The following NIBAN2 variants were observed in gnomAD, a reference collection of about 807,000 sequenced individuals.
The protein encoded by NIBAN2 is protein Niban 2.
NIBAN2 carries 36 observed loss-of-function variants against 81.8 expected under a neutral mutation model. The observed-to-expected ratio is 0.44, with a 90% CI of 0.34 to 0.58. The LOEUF (loss-of-function observed/expected upper bound fraction) is 0.58, where lower values mean the gene tolerates loss of function less well. Ranked by LOEUF, NIBAN2 falls within the 20% of genes least tolerant of loss-of-function variation. NIBAN2 has a pLI of 0.02. For synonymous variants in NIBAN2, 445 were observed against 441.6 expected, an observed-to-expected ratio of 1.01 and a Z score of -0.10; for missense variants, 897 against 1,014.1, an observed-to-expected ratio of 0.88 and a Z score of 1.57.
chr9:127,574,075 A>T (rs557499788), intron 1 of NIBAN2, among the ~76,000 whole-genome samples: 24 of 152,330 alleles, frequency 1.6e-4, no homozygotes, highest in African/African-American at 5.5e-4. Flanking sequence ...GAAATCTGCA[A>T]GGCAGAGGGA....
At chr9:127,513,432 T>C (rs1836771545) in intron 8 of NIBAN2, among the ~76,000 whole-genome samples, 1 of 152,180 alleles carries the variant, frequency 6.6e-6, no homozygotes, top group African/African-American at 2.4e-5. Flanking sequence ...TGGGCTGCAC[T>C]GCCAGGCGGT....
chr9:127,565,602 G>A (rs1258600918), intron 1 of NIBAN2, among the ~76,000 whole-genome samples: 2 of 151,540 alleles, frequency 1.3e-5, no homozygotes, highest in Admixed American at 1.3e-4. Flanking sequence ...AGACCAGCCT[G>A]ACCAATATGG....
rs374804800 is a variant in NIBAN2, at chr9:127,517,258, G to A, written c.706-42C>T. On this transcript the variant is annotated intron_variant, in intron 6 of 13. Coordinates refer to ENST00000373312, the MANE Select transcript of NIBAN2 (RefSeq NM_022833.4). The surrounding 1 kb of genome is among the most constrained non-coding windows in gnomAD (Gnocchi z 4.0). ...CAAGCCAGGCCAGGGGCTGGAGAGC[G>A]CTCAGCTGGCCTGTTTCTCTCTGCA... 4.5e-5 allele frequency: 70 copies of A among 1,549,166 alleles called. No homozygotes were observed. The highest frequency in any genetic ancestry group is 2.6e-4 in the African/African-American group (19 of 73,524).
At chr9:127,572,356 G>A (rs1027130155), upstream of NIBAN2, among the ~76,000 whole-genome samples, 2 of 152,182 alleles carry the variant, frequency 1.3e-5, no homozygotes, top group Non-Finnish European at 2.9e-5. Flanking sequence ...TGTGTTGGAT[G>A]CTATTCTAGG....
chr9:127,543,029 G>A (rs1457162141), intron 1 of NIBAN2, among the ~76,000 whole-genome samples: 2 of 152,166 alleles, frequency 1.3e-5, no homozygotes, highest in African/African-American at 4.8e-5. Context: ...CTGGCCCCAA[G>A]GCCAGTTATT....
intron 8 of NIBAN2, among the ~76,000 whole-genome samples, chr9:127,515,520 C>CAAAAAAAAA (rs60740827): frequency 1.1e-5 from 1 of 90,502 alleles, no homozygotes; most frequent in East Asian, 3.4e-4. Flanking sequence ...GACTCCGTCT[C>CAAAAAAAAA]AAAAAAAAAA....
chr9:127,569,226 C>G (rs1306461366), upstream of NIBAN2: 8 of 364,566 alleles, frequency 2.2e-5, no homozygotes, highest in Non-Finnish European at 2.9e-5. Context: ...CGGTCCTGCA[C>G]CCCCCTGCGC....
At chr9:127,572,513 T>A (rs1192496989), upstream of NIBAN2, among the ~76,000 whole-genome samples, 1 of 151,848 alleles carries the variant, frequency 6.6e-6, no homozygotes, top group Non-Finnish European at 1.5e-5. Flanking sequence ...GGGGTTGGGG[T>A]GGGATGCCAT....
chr9:127,564,797 T>G (rs1837830078), intron 1 of NIBAN2, among the ~76,000 whole-genome samples: 1 of 150,472 alleles, frequency 6.6e-6, no homozygotes. Context: ...TGCTTGAACC[T>G]GGGAGGCGGA....
At chr9:127,574,592 C>T (rs1124444) in intron 1 of NIBAN2, among the ~76,000 whole-genome samples, 6,353 of 152,142 alleles carry the variant, frequency 0.042, 209 homozygotes, top group African/African-American at 0.085. Context: ...CCATGAGTCC[C>T]TCTCCCTCCC....
In NIBAN2 at chr9:127,517,345, T is replaced by C. The variant is rs572075680; in HGVS notation, c.706-129A>G. The C allele has an allele frequency of 1.4e-6, 1 of 714,252 alleles. No individual in the cohort carries two copies. Among genetic ancestry groups the C allele is most frequent in the African/African-American group, 1.8e-5 (1 of 56,532 alleles). 44.2% of individuals were successfully genotyped at this position (714,252 alleles called of 1,614,324 possible). Reference sequence around the variant, plus strand: ...CCGCGACTGGCCCATTGCTTCACCCTCCCTGCTGCCCTCTCTCCTGAGCTC... The same window carrying C: ...CCGCGACTGGCCCATTGCTTCACCCCCCCTGCTGCCCTCTCTCCTGAGCTC... On this transcript the variant is annotated intron_variant, in intron 6 of 13. Transcript: ENST00000373312. This position sits in a 1 kb window ranked among gnomAD's most constrained non-coding sequence, Gnocchi z 4.0.
In NIBAN2 at chr9:127,524,987, G is replaced by A. The variant is rs143363364; in HGVS notation, c.421+71C>T. 4.8e-3 allele frequency: 5,896 copies of A among 1,225,792 alleles called. 74 individuals carry two copies. Among genetic ancestry groups the A allele is most frequent in the Middle Eastern group, 0.041 (214 of 5,246 alleles). The allele number at this position is 1,225,792 out of a possible 1,614,324, so 75.9% of individuals were successfully genotyped here. On this transcript the variant is annotated intron_variant, in intron 4 of 13. Coordinates refer to ENST00000373312, the MANE Select transcript of NIBAN2 (RefSeq NM_022833.4). ...ATGGGGCTGAAAGCAATGGGCTCAGGGCCACCCCTCCCCTGGCCAGCTCCA... is the reference window on the plus strand; with the variant it reads ...ATGGGGCTGAAAGCAATGGGCTCAGAGCCACCCCTCCCCTGGCCAGCTCCA...
chr9:127,507,851 C>A lies in NIBAN2; in HGVS notation c.1654+16G>T. 6.2e-7 allele frequency: 1 copy of A among 1,612,060 alleles called. No homozygotes were observed. The highest frequency in any genetic ancestry group is 1.1e-5 in the South Asian group (1 of 91,044). On this transcript the variant is annotated intron_variant, in intron 13 of 13. Coordinates refer to ENST00000373312, the MANE Select transcript of NIBAN2 (RefSeq NM_022833.4). This position sits in a 1 kb window ranked among gnomAD's most constrained non-coding sequence, Gnocchi z 6.8. ...CATCCTCCTGGCAACAGTCCCCACC[C>A]CGGGACGGCACCCACCCTGCAGGAT... is the stretch of plus-strand genomic sequence containing the variant.
At chr9:127,546,062 G>A in intron 1 of NIBAN2, among the ~76,000 whole-genome samples, 1 of 152,164 alleles carries the variant, frequency 6.6e-6, no homozygotes, top group Non-Finnish European at 1.5e-5. Context: ...CAGGGGGTGG[G>A]CACCCAAGGC....
intron 1 of NIBAN2, among the ~76,000 whole-genome samples, chr9:127,574,289 T>G (rs1837982981): frequency 6.6e-6 from 1 of 152,172 alleles, no homozygotes; most frequent in South Asian, 2.1e-4. Flanking sequence ...GAATGCCACC[T>G]ACAGGTCCTG....
chr9:127,556,990 T>C (rs1588185088), intron 1 of NIBAN2, among the ~76,000 whole-genome samples: 1 of 152,150 alleles, frequency 6.6e-6, no homozygotes, highest in Admixed American at 6.5e-5. Flanking sequence ...GGCAGAAGGA[T>C]TGCCGGAGCC....
intron 5 of NIBAN2, 122 bp downstream of exon 5, chr9:127,523,557 A>C (rs1041780526): frequency 5.4e-6 from 5 of 929,646 alleles, no homozygotes; most frequent in African/African-American, 1.6e-5. Flanking sequence ...CCCAGAAGGG[A>C]AATTAGAACA....
At chr9:127,519,105 G>C (rs1836886035) in intron 5 of NIBAN2, among the ~76,000 whole-genome samples, 1 of 148,404 alleles carries the variant, frequency 6.7e-6, no homozygotes, top group Admixed American at 6.8e-5. Flanking sequence ...AACCCAGGAG[G>C]CAGAGGTTGC....
chr9:127,535,284 C>T (rs553395666), intron 1 of NIBAN2, among the ~76,000 whole-genome samples: 17 of 152,346 alleles, frequency 1.1e-4, no homozygotes, highest in African/African-American at 3.1e-4. Context: ...GACCGCAGCC[C>T]GTGCTCAACT....
Sources: gnomAD v4.1 joint callset for allele counts (sites outside exome capture counted in the v4.1 genomes callset) on GRCh38, gnomAD v4.1.1 for gene constraint, Gnocchi (gnomAD v3.1) non-coding constraint, MANE v1.5 for transcripts, NCBI Gene and HGNC (gene_info 2026-07-23, HGNC 2026-07-21) for gene names.